Variants in FOXP2 observed in about 807,000 individuals in gnomAD.
FOXP2 encodes forkhead box protein P2.
Under a neutral mutation model 115.8 loss-of-function variants are expected in FOXP2, and 12 were observed. That is an observed-to-expected ratio of 0.10 (90% CI 0.07 to 0.17). The LOEUF (loss-of-function observed/expected upper bound fraction) is 0.17, where lower values mean the gene tolerates loss of function less well. Among genes scored for constraint, FOXP2 ranks in the 10% least tolerant of loss-of-function variants. The pLI, the probability that FOXP2 is intolerant of heterozygous loss-of-function variation, is 1.00. For synonymous variants in FOXP2, 328 were observed against 297.7 expected, an observed-to-expected ratio of 1.10 and a Z score of -1.05; for missense variants, 629 against 843.5, an observed-to-expected ratio of 0.75 and a Z score of 3.15.
chr7:114,125,735 G>A (rs1562972118), intron 1 of FOXP2, among the ~76,000 whole-genome samples: 2 of 152,040 alleles, frequency 1.3e-5, no homozygotes, highest in Admixed American at 6.6e-5. Flanking sequence ...CCCACACCAA[G>A]TTGAACCACT....
intron 2 of FOXP2, among the ~76,000 whole-genome samples, chr7:114,524,977 T>C (rs1798793389): frequency 6.6e-6 from 1 of 152,140 alleles, no homozygotes; most frequent in African/African-American, 2.4e-5. Context: ...CTAGAGGAGA[T>C]TAAAATACAA....
At chr7:114,682,173 G>A (rs1416329406) in intron 16 of FOXP2, among the ~76,000 whole-genome samples, 2 of 152,070 alleles carry the variant, frequency 1.3e-5, no homozygotes, top group East Asian at 3.9e-4. Flanking sequence ...CTTTTCCAAG[G>A]TTGCATAGCT....
intron 1 of FOXP2, among the ~76,000 whole-genome samples, chr7:114,267,603 TG>T (rs1795924341): frequency 6.6e-6 from 1 of 151,856 alleles, no homozygotes; most frequent in East Asian, 2.0e-4. Context: ...GGTGGGTGCC[TG>T]TAGTCCCAAC....
intron 3 of FOXP2, among the ~76,000 whole-genome samples, chr7:114,595,862 C>G (rs903412649): frequency 6.6e-6 from 1 of 151,822 alleles, no homozygotes; most frequent in Non-Finnish European, 1.5e-5. Context: ...GGGGAAATGT[C>G]CCCAAAATGT....
intron 3 of FOXP2, among the ~76,000 whole-genome samples, chr7:114,579,378 C>T (rs1386170289): frequency 1.3e-5 from 2 of 152,124 alleles, no homozygotes; most frequent in Non-Finnish European, 2.9e-5. Flanking sequence ...ACAGAGGTTA[C>T]AGAATTCTTT....
chr7:114,550,079 G>A (rs1800124901), intron 3 of FOXP2, among the ~76,000 whole-genome samples: 1 of 143,440 alleles, frequency 7.0e-6, no homozygotes, highest in Non-Finnish European at 1.5e-5. Context: ...AGGGAAATAT[G>A]TTGTACATTG....
intron 2 of FOXP2, among the ~76,000 whole-genome samples, chr7:114,504,181 A>G (rs1797702178): frequency 6.6e-6 from 1 of 151,602 alleles, no homozygotes; most frequent in Non-Finnish European, 1.5e-5. Flanking sequence ...TTCCATTTCT[A>G]TGTTTTTCTA....
intron 1 of FOXP2, among the ~76,000 whole-genome samples, chr7:114,091,214 A>C (rs1584473104): frequency 6.6e-6 from 1 of 151,960 alleles, no homozygotes; most frequent in East Asian, 1.9e-4. Context: ...AACAAACAAA[A>C]AAGTGCCTAG....
chr7:114,408,885 A>G (rs1793100180), intron 2 of FOXP2, among the ~76,000 whole-genome samples: 1 of 152,140 alleles, frequency 6.6e-6, no homozygotes, highest in African/African-American at 2.4e-5. Context: ...TTATTTTTGA[A>G]TAATTGACCA....
At chr7:114,288,897 A>G (rs368937834) in intron 2 of FOXP2, among the ~76,000 whole-genome samples, 2 of 151,736 alleles carry the variant, frequency 1.3e-5, no homozygotes, top group East Asian at 3.9e-4. Context: ...TCTTTCCCCA[A>G]TCTTTACCTC....
At chr7:114,210,935 G>A (rs1389480714) in intron 1 of FOXP2, among the ~76,000 whole-genome samples, 1 of 152,196 alleles carries the variant, frequency 6.6e-6, no homozygotes, top group African/African-American at 2.4e-5. Flanking sequence ...TGGCAAAACA[G>A]TTGTGCTGCA....
At chr7:114,172,532 G>A (rs1244608862) in intron 1 of FOXP2, among the ~76,000 whole-genome samples, 2 of 152,148 alleles carry the variant, frequency 1.3e-5, no homozygotes, top group East Asian at 1.9e-4. Flanking sequence ...GTATCAGTTA[G>A]GGGTTCATCA....
At position 114,659,362 on chromosome 7, in the gene FOXP2, C is replaced by A. The variant is rs766020871; in HGVS notation, c.1475C>A (p.Ala492Asp). The change falls in exon 12 of 17, where the codon GCC becomes GAC. Residue 492 changes from alanine to aspartate, a missense_variant. This residue lies in a region of FOXP2 where 101 missense variants were observed against 116.0 expected (regional missense o/e 0.87). Transcript: ENST00000350908. ...CTAGTTTTTATTTTTATAGAAATTG[C>A]CCCAAACTATGAATTTTATAAAAAT... Reference protein sequence around the residue: ...KYNIPMSSEIAPNYEFYKNAD... With the variant: ...KYNIPMSSEIDPNYEFYKNAD... 1 of 1,607,630 alleles carries A rather than the reference C, an allele frequency of 6.2e-7. No homozygotes were observed. Among genetic ancestry groups the A allele is most frequent in the Non-Finnish European group, 8.5e-7 (1 of 1,175,018 alleles).
Position 114,306,855 on chromosome 7 carries a change from C to A in FOXP2, c.-11+18746C>A, listed in dbSNP as rs142206904. Among the ~76,000 whole-genome samples the A allele has an allele frequency of 7.0e-4, 107 of 152,212 alleles. No homozygotes were observed. The Middle Eastern group carries it at 0.014, about 19-fold the overall frequency. ...AGGCTCCTTCCATCTTCAAAGCCAGCAATGACTGGTTGAGCCTTTCTAACA... is the reference window on the plus strand; with the variant it reads ...AGGCTCCTTCCATCTTCAAAGCCAGAAATGACTGGTTGAGCCTTTCTAACA... On this transcript the variant is annotated intron_variant, in intron 2 of 17. Coordinates refer to the FOXP2 transcript ENST00000634411.
chr7:114,562,491 T>A (rs979328386), intron 3 of FOXP2, among the ~76,000 whole-genome samples: 1 of 152,186 alleles, frequency 6.6e-6, no homozygotes, highest in African/African-American at 2.4e-5. Flanking sequence ...GCCTCTCTCA[T>A]CTCTACTCCC....
intron 1 of FOXP2, among the ~76,000 whole-genome samples, chr7:114,135,900 G>A (rs541773267): frequency 1.3e-5 from 2 of 151,998 alleles, no homozygotes; most frequent in African/African-American, 2.4e-5. Flanking sequence ...TTAGAGAAGA[G>A]GTATACTACC....
intron 8 of FOXP2, 115 bp downstream of exon 8, chr7:114,644,904 T>C (rs1805791341): frequency 1.3e-6 from 1 of 782,256 alleles, no homozygotes; most frequent in African/African-American, 1.7e-5. Flanking sequence ...TTATAAGTCA[T>C]ACTTCAAGAT....
chr7:114,557,779 T>C (rs528459632), intron 3 of FOXP2, among the ~76,000 whole-genome samples: 1 of 149,588 alleles, frequency 6.7e-6, no homozygotes, highest in Non-Finnish European at 1.5e-5. Flanking sequence ...ATTTTGACAC[T>C]GAACTGACTT....
intron 1 of FOXP2, among the ~76,000 whole-genome samples, chr7:114,111,374 C>T (rs1166869627): frequency 2.0e-5 from 3 of 152,096 alleles, no homozygotes; most frequent in Admixed American, 1.3e-4. Context: ...CCCAGGTGAG[C>T]TCTACCCCTA....
Sources: gnomAD v4.1 joint callset for allele counts (sites outside exome capture counted in the v4.1 genomes callset) on GRCh38, gnomAD v4.1.1 for gene constraint, gnomAD v4.1.1 regional missense constraint, MANE v1.5 for transcripts, NCBI Gene and HGNC (gene_info 2026-07-23, HGNC 2026-07-21) for gene names.